The following FAM25C variants were observed in gnomAD, a reference collection of about 807,000 sequenced individuals.
FAM25C encodes protein FAM25C.
A neutral mutation model predicts 9.6 loss-of-function variants in FAM25C; 4 were observed. That is an observed-to-expected ratio of 0.42 (90% CI 0.20 to 0.95). The LOEUF is 0.95. Ranked by LOEUF, FAM25C falls within the 40% of genes least tolerant of loss-of-function variation. The probability of loss-of-function intolerance (pLI) is 0.31; values close to 1 mark genes in which losing one functional copy is unlikely to be tolerated. For synonymous variants in FAM25C, 23 were observed against 44.1 expected, an observed-to-expected ratio of 0.52 and a Z score of 1.89; for missense variants, 38 against 110.4, an observed-to-expected ratio of 0.34 and a Z score of 2.94.
intron 2 of FAM25C, among the ~76,000 whole-genome samples, chr10:47,997,317 G>C (rs561659272): frequency 5.0e-4 from 71 of 142,302 alleles, no homozygotes; most frequent in African/African-American, 1.8e-3. Context: ...CACCGTGTTA[G>C]CCAGGATGGT....
At chr10:47,996,820 A>ATTTTTTTTTTTTT (rs60497249) in intron 2 of FAM25C, among the ~76,000 whole-genome samples, 1 of 75,034 alleles carries the variant, frequency 1.3e-5, no homozygotes, top group Non-Finnish European at 2.4e-5. Flanking sequence ...TTACATGTTA[A>ATTTTTTTTTTTTT]TTTTTTTTTT....
intron 2 of FAM25C, among the ~76,000 whole-genome samples, chr10:47,995,880 G>GTT (rs199693218): frequency 4.0e-4 from 51 of 128,758 alleles, no homozygotes; most frequent in African/African-American, 1.0e-3. Context: ...TGGTTATAGT[G>GTT]TTTTTTTTTT....
intron 1 of FAM25C, among the ~76,000 whole-genome samples, chr10:47,998,288 C>T (rs1249620265): frequency 3.9e-4 from 59 of 149,494 alleles, no homozygotes; most frequent in African/African-American, 1.3e-3. Context: ...AATTCTCTGC[C>T]TACTTCAGAG....
At chr10:47,998,640 G>A (rs1415107913) in intron 1 of FAM25C, among the ~76,000 whole-genome samples, 17 of 118,286 alleles carry the variant, frequency 1.4e-4, no homozygotes, top group African/African-American at 3.2e-4. Flanking sequence ...AGTGTATCAA[G>A]TGAATGAGAA....
intron 1 of FAM25C, among the ~76,000 whole-genome samples, chr10:47,998,486 AGAGACAGTTC>A (rs1330406448): frequency 2.1e-5 from 3 of 139,758 alleles, no homozygotes; most frequent in Non-Finnish European, 4.7e-5. Flanking sequence ...GGAATGAGAA[AGAGACAGTTC>A]GAGAGAGAAA....
intron 2 of FAM25C, among the ~76,000 whole-genome samples, chr10:47,997,049 G>T (rs1189125484): frequency 6.8e-6 from 1 of 148,100 alleles, no homozygotes; most frequent in East Asian, 2.0e-4. Context: ...TGGATCTCCT[G>T]ACCTCATGAT....
rs781886129 is a variant in FAM25C, at chr10:47,995,466, T to G, written c.182A>C (p.Lys61Thr). The G allele has an allele frequency of 1.3e-3, 2,023 of 1,532,790 alleles. 5 individuals carry two copies. The African/African-American group carries it at 0.022, about 16-fold the overall frequency. 94.9% of individuals were successfully genotyped at this position (1,532,790 alleles called of 1,614,324 possible). ...CACTGTCTCGGTGATTTCCTTCATCTTTTTGTCCCCTGACTCCTGGGCTTT... is the reference window on the plus strand; with the variant it reads ...CACTGTCTCGGTGATTTCCTTCATCGTTTTGTCCCCTGACTCCTGGGCTTT... Reference protein sequence around the residue: ...IKKAQESGDKKMKEITETVTN... With the variant: ...IKKAQESGDKTMKEITETVTN... The change falls in exon 3 of 3, where the codon AAG becomes ACG. Residue 61 changes from lysine (K) to threonine (T), a missense_variant. Lys to Thr is a moderately conservative substitution (Grantham distance 78). Transcript: ENST00000617224.
chr10:47,998,665 G>C (rs1842840925), intron 1 of FAM25C, among the ~76,000 whole-genome samples: 2 of 132,640 alleles, frequency 1.5e-5, no homozygotes, highest in South Asian at 2.5e-4. Context: ...ATGGCTACTT[G>C]AGAGAATGGC....
chr10:47,996,048 C>A (rs1382433835), intron 2 of FAM25C, among the ~76,000 whole-genome samples: 226 of 140,390 alleles, frequency 1.6e-3, no homozygotes, highest in African/African-American at 4.0e-3. Flanking sequence ...ATGATGTCTT[C>A]CCCCTCAAAA....
At chr10:47,995,621 C>T in intron 2 of FAM25C, 110 bp from the exon 3 acceptor site, 1 of 1,031,062 alleles carries the variant, frequency 9.7e-7, no homozygotes, top group Non-Finnish European at 1.4e-6. Flanking sequence ...TCTGGAGTGG[C>T]CCGATGGGAC....
rs1345214134 is a variant in FAM25C, at chr10:47,995,330, T to C, written c.*48A>G. ...AAATCCAGCGCTCAATGTACACATG[T>C]CATGGCTTTTTATTGAGACTGGGGA... On this transcript the variant is annotated 3_prime_UTR_variant, in exon 3 of 3. Transcript: ENST00000617224. 1.6e-5 allele frequency: 21 copies of C among 1,334,030 alleles called. No homozygotes were observed. In the South Asian group the frequency reaches 2.5e-4, roughly 16 times the overall value. The allele number at this position is 1,334,030 out of a possible 1,614,324, so 82.6% of individuals were successfully genotyped here.
intron 1 of FAM25C, among the ~76,000 whole-genome samples, chr10:47,998,624 G>A (rs1310013368): frequency 9.8e-6 from 1 of 101,682 alleles, no homozygotes; most frequent in Non-Finnish European, 2.3e-5. Flanking sequence ...GAGGTTGAAA[G>A]GCAACAGTGT....
At chr10:47,995,828 A>G (rs556961371) in intron 2 of FAM25C, among the ~76,000 whole-genome samples, 18 of 146,882 alleles carry the variant, frequency 1.2e-4, no homozygotes, top group African/African-American at 1.5e-4. Flanking sequence ...TATCATTTTT[A>G]TGACAAATAT....
At chr10:47,998,674 G>A (rs1842840970) in intron 1 of FAM25C, among the ~76,000 whole-genome samples, 1 of 135,074 alleles carries the variant, frequency 7.4e-6, no homozygotes, top group South Asian at 2.4e-4. Context: ...TGAGAGAATG[G>A]CAGTGCTAGA....
chr10:47,995,551 C>G, intron 2 of FAM25C, 40 bp from the exon 3 acceptor site: 2 of 1,534,312 alleles, frequency 1.3e-6, no homozygotes, highest in Non-Finnish European at 1.7e-6. Flanking sequence ...AGTGATCCAC[C>G]TGCTGAACTT....
Position 47,995,390 on chromosome 10 carries a change from T to C in FAM25C, c.258A>G (p.Lys86=). The C allele has an allele frequency of 6.6e-7, 1 of 1,518,332 alleles. No individual in the cohort carries two copies. The highest frequency in any genetic ancestry group is 8.8e-7 in the Non-Finnish European group (1 of 1,133,210). 94.1% of individuals were successfully genotyped at this position (1,518,332 alleles called of 1,614,324 possible). A position where few individuals can be genotyped will look rare whatever the true frequency, so the allele number is the denominator to read the frequency against. ...AITHAAESLD[K]LGQ is the part of the protein sequence containing the mutation. ...GTAGCAGGTGCACTCACTGTCCAAG[T>C]TTGTCCAGACTTTCTGCTGCATGGG... The change falls in exon 3 of 3, where the codon AAA becomes AAG. Residue 86 remains lysine (K), a synonymous_variant. Transcript: ENST00000617224.
Position 47,997,750 on chromosome 10 carries a change from G to A in FAM25C, c.74-11C>T, listed in dbSNP as rs1842823704. On this transcript the variant is annotated splice_polypyrimidine_tract_variant and intron_variant, in intron 1 of 2. Transcript: ENST00000617224. Reference sequence around the variant, plus strand: ...CCTCCACGGCATGAACTGAACAGAGGAGACAAGTCCAGGGTGAGGGCTCAG... The same window carrying A: ...CCTCCACGGCATGAACTGAACAGAGAAGACAAGTCCAGGGTGAGGGCTCAG... 1 of 1,530,030 alleles carries A rather than the reference G, an allele frequency of 6.5e-7. No homozygotes were observed. The allele number at this position is 1,530,030 out of a possible 1,614,324, so 94.8% of individuals were successfully genotyped here.
At chr10:47,997,331 G>C (rs1205693028) in intron 2 of FAM25C, among the ~76,000 whole-genome samples, 1 of 150,826 alleles carries the variant, frequency 6.6e-6, no homozygotes, top group Non-Finnish European at 1.5e-5. Flanking sequence ...GGATGGTCTC[G>C]ATCTCCTGAC....
At position 47,995,881 on chromosome 10, in the gene FAM25C, T is replaced by G. The variant is rs1334710935; in HGVS notation, c.137-370A>C. ...TTTTTCTTTTGGCTTGGTTATAGTGTTTTTTTTTTTTTGGCTATAGAAAAT... is the reference window on the plus strand; with the variant it reads ...TTTTTCTTTTGGCTTGGTTATAGTGGTTTTTTTTTTTTGGCTATAGAAAAT... On this transcript the variant is annotated intron_variant, in intron 2 of 2. Coordinates refer to ENST00000617224, the MANE Select transcript of FAM25C (RefSeq NM_001137548.3). Among the ~76,000 whole-genome samples, 273 of 116,524 alleles carry G rather than the reference T, an allele frequency of 2.3e-3. 3 individuals are homozygous for G. The highest frequency in any genetic ancestry group is 9.6e-3 in the African/African-American group (255 of 26,614). The allele number at this position is 116,524 out of a possible 152,430, so 76.4% of individuals were successfully genotyped here. A position where few individuals can be genotyped will look rare whatever the true frequency, so the allele number is the denominator to read the frequency against.
Sources: gnomAD v4.1 joint callset for allele counts (sites outside exome capture counted in the v4.1 genomes callset) on GRCh38, gnomAD v4.1.1 for gene constraint, MANE v1.5 for transcripts, NCBI Gene and HGNC (gene_info 2026-07-23, HGNC 2026-07-21) for gene names.